The following TTLL1 variants were observed in gnomAD, a reference collection of about 807,000 sequenced individuals.
The protein encoded by TTLL1 is TTL family tubulin polyglutamylase complex subunit L1, also known as polyglutamylase complex subunit TTLL1.
TTLL1 carries 33 observed loss-of-function variants against 47.8 expected under a neutral mutation model. That is an observed-to-expected ratio of 0.69 (90% CI 0.52 to 0.92). The LOEUF (loss-of-function observed/expected upper bound fraction) is 0.92. TTLL1 is among the 40% of genes least tolerant of loss of function. The probability of loss-of-function intolerance (pLI) is 0.00; values close to 1 mark genes in which losing one functional copy is unlikely to be tolerated. For synonymous variants in TTLL1, 225 were observed against 214.1 expected, an observed-to-expected ratio of 1.05 and a Z score of -0.45; for missense variants, 488 against 547.5, an observed-to-expected ratio of 0.89 and a Z score of 1.08.
At chr22:43,043,717 C>A (rs1004539878) in intron 10 of TTLL1, among the ~76,000 whole-genome samples, 15 of 152,114 alleles carry the variant, frequency 9.9e-5, no homozygotes, top group Non-Finnish European at 2.1e-4. Flanking sequence ...GGTGTGGAGA[C>A]TGCTTTCTCT....
chr22:43,083,669 G>A (rs184986919), intron 1 of TTLL1, among the ~76,000 whole-genome samples: 163 of 151,706 alleles, frequency 1.1e-3, no homozygotes, highest in Admixed American at 3.0e-3. Context: ...CGGAGACAGC[G>A]GTGAGCCAAG....
chr22:43,085,615 G>A (rs562085609), intron 1 of TTLL1, among the ~76,000 whole-genome samples: 6 of 152,172 alleles, frequency 3.9e-5, no homozygotes, highest in Admixed American at 1.3e-4. Flanking sequence ...TTCATCTTCC[G>A]CCATGATTGT....
intron 9 of TTLL1, among the ~76,000 whole-genome samples, chr22:43,047,479 G>GT (rs1926234810): frequency 6.6e-6 from 1 of 151,780 alleles, no homozygotes; most frequent in South Asian, 2.1e-4. Context: ...ACTTTTTTTG[G>GT]TTTTTTTGAG....
In TTLL1 at chr22:43,069,663, C is replaced by A. The variant is rs1360502971; in HGVS notation, c.295G>T (p.Asp99Tyr). Reference protein sequence around the residue: ...EKEGSPLAEKDENGKYLYLDF... With the variant: ...EKEGSPLAEKYENGKYLYLDF... ...AGATAGAGGTATTTTCCATTTTCAT[C>A]TTTTTCTGCCAGAGGACTCCCTTCT... Residue 99 changes from aspartate to tyrosine, a missense_variant, in exon 4 of 11, where the codon GAT becomes TAT. Transcript: ENST00000266254. 34 of 1,614,060 alleles carry A rather than the reference C, an allele frequency of 2.1e-5. No homozygotes were observed. Among genetic ancestry groups the A allele is most frequent in the South Asian group, 4.4e-5 (4 of 91,086 alleles).
At chr22:43,056,740 G>A (rs924001689) in intron 8 of TTLL1, among the ~76,000 whole-genome samples, 5 of 151,758 alleles carry the variant, frequency 3.3e-5, no homozygotes, top group East Asian at 1.9e-4. Flanking sequence ...AGCCAAGATC[G>A]CGCCACTGCA....
rs1233729841 is a variant in TTLL1 at position 43,089,328 on chromosome 22, T to G, written c.-141A>C. On this transcript the variant is annotated 5_prime_UTR_variant, in exon 1 of 11. Transcript: ENST00000266254. ...CGGAGGAGCGCCCTGCAGGGATGCC[T>G]CGAGCCGCGCCCTCGCCCCGCCTCC... 2 of 152,258 alleles carry G rather than the reference T, an allele frequency of 1.3e-5. No homozygotes were observed. The highest frequency in any genetic ancestry group is 4.8e-5 in the African/African-American group (2 of 41,408). The allele number at this position is 152,258 out of a possible 1,614,324, so 9.4% of individuals were successfully genotyped here.
intron 5 of TTLL1, among the ~76,000 whole-genome samples, chr22:43,067,049 A>G (rs889544099): frequency 6.6e-6 from 1 of 152,150 alleles, no homozygotes; most frequent in East Asian, 1.9e-4. Context: ...TCACCCTGGG[A>G]ACTCCTGACA....
Position 43,075,547 on chromosome 22 carries a change from A to T in TTLL1, c.40T>A (p.Ser14Thr), listed in dbSNP as rs1928427990. The T allele has an allele frequency of 6.2e-7, 1 of 1,614,034 alleles. No homozygotes were observed. Among genetic ancestry groups the T allele is most frequent in the Non-Finnish European group, 8.5e-7 (1 of 1,180,036 alleles). The change falls in exon 3 of 11, where the codon TCA (serine) becomes ACA (threonine). Residue 14 changes from serine (S) to threonine (T), a missense_variant. Physicochemically the swap from Ser to Thr is moderately conservative, Grantham distance 58 (BLOSUM62 1). Coordinates refer to ENST00000266254, the MANE Select transcript of TTLL1 (RefSeq NM_012263.5). Reference sequence around the variant, plus strand: ...TTTTCAAAGTTATTGATCAGCACTGACTTCTCGATATCAGTGACCCATTTT... The same window carrying T: ...TTTTCAAAGTTATTGATCAGCACTGTCTTCTCGATATCAGTGACCCATTTT... ...KVKWVTDIEK[S>T]VLINNFEKRG...
intron 1 of TTLL1, among the ~76,000 whole-genome samples, chr22:43,086,314 G>A (rs1048864802): frequency 1.3e-5 from 2 of 152,134 alleles, no homozygotes; most frequent in African/African-American, 2.4e-5. Context: ...ATTGGAGTTG[G>A]GGCTGTCACC....
At chr22:43,061,721 G>A (rs1200757653) in intron 7 of TTLL1, among the ~76,000 whole-genome samples, 1 of 152,128 alleles carries the variant, frequency 6.6e-6, no homozygotes, top group East Asian at 1.9e-4. Flanking sequence ...CCCATCCACT[G>A]CCCTCACGCC....
intron 9 of TTLL1, among the ~76,000 whole-genome samples, chr22:43,048,339 AAAG>A (rs1278680100): frequency 6.6e-6 from 1 of 151,760 alleles, no homozygotes; most frequent in African/African-American, 2.4e-5. Flanking sequence ...AGAAAAAAAA[AAAG>A]AATTGTTTTA....
intron 3 of TTLL1, among the ~76,000 whole-genome samples, chr22:43,072,285 C>T (rs1360889037): frequency 6.6e-6 from 1 of 151,642 alleles, no homozygotes; most frequent in Non-Finnish European, 1.5e-5. Context: ...TCCCGAGTAG[C>T]TGGGACTACC....
intron 4 of TTLL1, among the ~76,000 whole-genome samples, chr22:43,069,282 C>T (rs1037536105): frequency 7.4e-5 from 11 of 148,826 alleles, no homozygotes; most frequent in Non-Finnish European, 1.6e-4. Flanking sequence ...GTCCCAGCTA[C>T]TTGGGAGGCT....
intron 9 of TTLL1, among the ~76,000 whole-genome samples, chr22:43,048,232 G>A (rs1328772801): frequency 1.3e-5 from 2 of 151,734 alleles, no homozygotes; most frequent in Non-Finnish European, 1.5e-5. Context: ...CAGGAGAATC[G>A]CTTGAACCCG....
intron 9 of TTLL1, among the ~76,000 whole-genome samples, chr22:43,049,021 G>A (rs954103078): frequency 6.6e-6 from 1 of 151,810 alleles, no homozygotes; most frequent in Admixed American, 6.6e-5. Flanking sequence ...TAAAAACTCC[G>A]TATTGAATAC....
chr22:43,064,459 C>A, intron 5 of TTLL1, 135 bp from the exon 6 acceptor site: 1 of 1,018,468 alleles, frequency 9.8e-7, no homozygotes, highest in Non-Finnish European at 1.4e-6. Flanking sequence ...GGCGCGGTGG[C>A]TCACGCCTGT....
At chr22:43,070,959 C>T (rs1002575082) in intron 3 of TTLL1, among the ~76,000 whole-genome samples, 1 of 152,114 alleles carries the variant, frequency 6.6e-6, no homozygotes, top group African/African-American at 2.4e-5. Flanking sequence ...GTTGCCCAGG[C>T]CGGGGTGTCA....
At position 43,069,728 on chromosome 22, in the gene TTLL1, A is replaced by G. The variant is rs1410894618; in HGVS notation, c.230T>C (p.Met77Thr). 6.2e-7 allele frequency: 1 copy of G among 1,614,046 alleles called. No homozygotes were observed. Among genetic ancestry groups the G allele is most frequent in the Non-Finnish European group, 8.5e-7 (1 of 1,180,054 alleles). The stretch of plus-strand genomic sequence containing the variant: ...CCTGTATCTTTTGATGTTCTTCACC[A>G]TCAGGTCCTTCCGGGTCAGTTCATA... ...NHYELTRKDL[M>T]VKNIKRYRKE... Residue 77 changes from methionine to threonine, a missense_variant, in exon 4 of 11, where the codon ATG (methionine) becomes ACG (threonine). Coordinates refer to ENST00000266254, the MANE Select transcript of TTLL1 (RefSeq NM_012263.5).
At chr22:43,057,653 C>G (rs1479195707) in intron 8 of TTLL1, among the ~76,000 whole-genome samples, 1 of 151,714 alleles carries the variant, frequency 6.6e-6, no homozygotes, top group Non-Finnish European at 1.5e-5. Context: ...GTGGGTCTCT[C>G]AGGGGCCACC....
Sources: allele counts gnomAD v4.1 joint callset (sites outside exome capture counted in the v4.1 genomes callset), GRCh38; gene constraint gnomAD v4.1.1; transcripts MANE v1.5; gene names NCBI Gene and HGNC (gene_info 2026-07-23, HGNC 2026-07-21).